SASH1: variants seen among roughly 807,000 people sequenced by gnomAD.
The protein encoded by SASH1 is SAM and SH3 domain-containing protein 1.
A neutral mutation model predicts 125.2 loss-of-function variants in SASH1; 44 were observed. That is an observed-to-expected ratio of 0.35 (90% CI 0.28 to 0.45). The LOEUF is 0.45. Ranked by LOEUF, SASH1 falls within the 20% of genes least tolerant of loss-of-function variation. The pLI is 1.00. For synonymous variants in SASH1, 639 were observed against 649.1 expected (o/e 0.98, Z 0.24); for missense variants, 1,426 against 1,614.5 (o/e 0.88, Z 2.00).
chr6:148,202,249 A>G, the SASH1 span, among the ~76,000 whole-genome samples: 4 of 152,276 alleles, frequency 2.6e-5, no homozygotes, highest in Admixed American at 2.0e-4. Flanking sequence ...CCCACTAAAA[A>G]CTACTCTACA....
intron 1 of SASH1, among the ~76,000 whole-genome samples, chr6:148,371,396 A>G (rs1324826452): frequency 6.6e-6 from 1 of 151,122 alleles, no homozygotes; most frequent in Non-Finnish European, 1.5e-5. Context: ...AGCTGGGATT[A>G]CAGGCACCCG....
upstream of SASH1, among the ~76,000 whole-genome samples, chr6:148,340,622 A>T (rs1291021934): frequency 6.6e-6 from 1 of 152,154 alleles, no homozygotes; most frequent in Non-Finnish European, 1.5e-5. Flanking sequence ...AATGACAATT[A>T]AAAAAACCTC....
chr6:148,302,721 A>T (rs936377012), intron 1 of SASH1, among the ~76,000 whole-genome samples: 1 of 130,238 alleles, frequency 7.7e-6, no homozygotes, highest in Non-Finnish European at 1.7e-5. Context: ...TATATATATA[A>T]TTTCTGTGTT....
upstream of SASH1, among the ~76,000 whole-genome samples, chr6:148,340,538 A>C (rs368647546): frequency 4.8e-4 from 73 of 152,244 alleles, no homozygotes; most frequent in African/African-American, 1.7e-3. Context: ...CAAATTCTTA[A>C]ATATACCAAT....
At chr6:148,276,556 A>G (rs1779188688) in intron 1 of SASH1, among the ~76,000 whole-genome samples, 1 of 152,338 alleles carries the variant, frequency 6.6e-6, no homozygotes, top group East Asian at 1.9e-4. Flanking sequence ...GTAAGCTAGG[A>G]TGGAGGAAGA....
At chr6:148,296,746 GC>G (rs753936440) in intron 1 of SASH1, among the ~76,000 whole-genome samples, 5 of 152,190 alleles carry the variant, frequency 3.3e-5, no homozygotes, top group African/African-American at 4.8e-5. Context: ...CTTCGGTGCG[GC>G]AGTTTGGAGA....
chr6:148,467,768 C>T (rs1777915084), intron 4 of SASH1, among the ~76,000 whole-genome samples: 1 of 152,130 alleles, frequency 6.6e-6, no homozygotes, highest in African/African-American at 2.4e-5. Context: ...GAAACCCCGT[C>T]TCTACTAAAA....
intron 1 of SASH1, among the ~76,000 whole-genome samples, chr6:148,301,629 A>C (rs1329758866): frequency 6.6e-6 from 1 of 150,408 alleles, no homozygotes; most frequent in African/African-American, 2.4e-5. Flanking sequence ...CCCAGGCTGG[A>C]GTGCAGTGTT....
At chr6:148,408,398 G>T (rs888715813) in intron 2 of SASH1, among the ~76,000 whole-genome samples, 8 of 151,980 alleles carry the variant, frequency 5.3e-5, no homozygotes, top group African/African-American at 1.9e-4. Context: ...GAGCCACCAC[G>T]CCCAGCGCAT....
At chr6:148,285,779 C>T (rs1451865675) in intron 1 of SASH1, among the ~76,000 whole-genome samples, 2 of 152,256 alleles carry the variant, frequency 1.3e-5, no homozygotes, top group South Asian at 2.1e-4. Flanking sequence ...AGAAAGGAAG[C>T]GCCAACAGTT....
At chr6:148,389,508 T>C (rs1355169156) in intron 1 of SASH1, among the ~76,000 whole-genome samples, 1 of 152,210 alleles carries the variant, frequency 6.6e-6, no homozygotes, top group Non-Finnish European at 1.5e-5. Flanking sequence ...ACCATAATAA[T>C]GAATATTAAT....
At chr6:148,224,380 A>T in the SASH1 span, among the ~76,000 whole-genome samples, 2 of 148,084 alleles carry the variant, frequency 1.4e-5, no homozygotes, top group African/African-American at 2.5e-5. Context: ...TTTTTTTTTG[A>T]GACAGATTCT....
chr6:148,271,137 T>A (rs1779053786), upstream of SASH1, among the ~76,000 whole-genome samples: 1 of 152,120 alleles, frequency 6.6e-6, no homozygotes, highest in Admixed American at 6.6e-5. Context: ...CTCGAACTCC[T>A]GACCTCAGGT....
At chr6:148,525,675 C>T (rs866456439) in intron 11 of SASH1, among the ~76,000 whole-genome samples, 11 of 152,142 alleles carry the variant, frequency 7.2e-5, no homozygotes, top group East Asian at 1.9e-4. Flanking sequence ...ATTTTGCACA[C>T]GGCCTTTTCT....
chr6:148,432,699 A>G (rs1183330751), intron 2 of SASH1, among the ~76,000 whole-genome samples: 1 of 152,214 alleles, frequency 6.6e-6, no homozygotes, highest in Non-Finnish European at 1.5e-5. Context: ...CTGCTTTTCC[A>G]GCTGTGAAGT....
At chr6:148,440,669 A>T in intron 4 of SASH1, 11 of 480,076 alleles carry the variant, frequency 2.3e-5, no homozygotes. Context: ...ATCTCCGGAA[A>T]TAGAAAGGGA....
At chr6:148,387,608 CTTTCT>C (rs1783471822) in intron 1 of SASH1, among the ~76,000 whole-genome samples, 1 of 18,088 alleles carries the variant, frequency 5.5e-5, no homozygotes, top group African/African-American at 2.7e-4. Flanking sequence ...TTCTTTCTTT[CTTTCT>C]TTCTTTCTTT....
chr6:148,391,166 G>A (rs985544608), intron 2 of SASH1, among the ~76,000 whole-genome samples: 7 of 150,778 alleles, frequency 4.6e-5, no homozygotes, highest in South Asian at 2.1e-4. Context: ...CTGGAGTGCA[G>A]TGGCGTGATC....
intron 1 of SASH1, among the ~76,000 whole-genome samples, chr6:148,313,838 A>G (rs1033172105): frequency 2.6e-5 from 4 of 152,150 alleles, no homozygotes; most frequent in African/African-American, 9.7e-5. Flanking sequence ...CATTGCATTA[A>G]TTCCTCATCA....
Sources: allele counts gnomAD v4.1 joint callset (sites outside exome capture counted in the v4.1 genomes callset), GRCh38; gene constraint gnomAD v4.1.1; transcripts MANE v1.5; gene names NCBI Gene and HGNC (gene_info 2026-07-23, HGNC 2026-07-21).